The following TENM2 variants were observed in gnomAD, a reference collection of about 807,000 sequenced individuals.
The protein encoded by TENM2 is teneurin-2.
TENM2 carries 52 observed loss-of-function variants against 245.2 expected under a neutral mutation model. The ratio of observed to expected loss-of-function variants is 0.21; its 90% confidence interval spans 0.17 to 0.27. The LOEUF (loss-of-function observed/expected upper bound fraction) is 0.27. Ranked by LOEUF, TENM2 falls within the 10% of genes least tolerant of loss-of-function variation. The pLI is 1.00. For missense variants in TENM2, 3,046 were observed against 3,666.8 expected (o/e 0.83, Z 4.37); for synonymous variants, 1,363 against 1,438.9 (o/e 0.95, Z 1.19).
chr5:167,781,661 G>A (rs1243200836), intron 2 of TENM2, among the ~76,000 whole-genome samples: 3 of 152,178 alleles, frequency 2.0e-5, no homozygotes, highest in East Asian at 1.9e-4. Flanking sequence ...TATAGGCCTC[G>A]TAGAGTTTAG....
At chr5:167,843,163 C>A (rs1769707264) in intron 2 of TENM2, among the ~76,000 whole-genome samples, 1 of 152,276 alleles carries the variant, frequency 6.6e-6, no homozygotes, top group East Asian at 1.9e-4. Flanking sequence ...AGAGTGACTG[C>A]ATCAGTAGTG....
At chr5:168,093,476 C>T (rs1313988222) in intron 8 of TENM2, among the ~76,000 whole-genome samples, 2 of 152,216 alleles carry the variant, frequency 1.3e-5, no homozygotes. Flanking sequence ...ATCATCAGAA[C>T]ATTCTCCATC....
intron 3 of TENM2, 31 bp downstream of exon 5, chr5:167,876,226 G>A: frequency 1.3e-6 from 2 of 1,499,050 alleles, no homozygotes; most frequent in Non-Finnish European, 1.8e-6. Flanking sequence ...CTGAATGTGT[G>A]GTGTTTCGTG....
chr5:167,856,303 C>A (rs1265018819), intron 2 of TENM2, among the ~76,000 whole-genome samples: 1 of 152,060 alleles, frequency 6.6e-6, no homozygotes, highest in African/African-American at 2.4e-5. Context: ...ACATTAATTA[C>A]TGTTTGCACC....
the TENM2 span, among the ~76,000 whole-genome samples, chr5:167,181,171 C>T: frequency 4.6e-5 from 7 of 151,834 alleles, no homozygotes; most frequent in African/African-American, 1.7e-4. Flanking sequence ...TAGAAAATTT[C>T]GGCACAGCAG....
At chr5:167,127,475 A>C in the TENM2 span, among the ~76,000 whole-genome samples, 2 of 152,152 alleles carry the variant, frequency 1.3e-5, no homozygotes, top group Admixed American at 1.3e-4. Context: ...TGATGCATTC[A>C]TTTTACTACA....
At chr5:167,839,627 C>A (rs901404707) in intron 2 of TENM2, among the ~76,000 whole-genome samples, 4 of 151,934 alleles carry the variant, frequency 2.6e-5, no homozygotes, top group Non-Finnish European at 5.9e-5. Context: ...GAATGTAATG[C>A]CCTGTCTTCC....
intron 13 of TENM2, among the ~76,000 whole-genome samples, chr5:168,175,051 G>A (rs1168457870): frequency 6.6e-6 from 1 of 152,140 alleles, no homozygotes; most frequent in Non-Finnish European, 1.5e-5. Flanking sequence ...GAATCAGACG[G>A]ACCTAGCTGT....
chr5:167,808,157 G>A (rs893536949), intron 2 of TENM2, among the ~76,000 whole-genome samples: 6 of 152,256 alleles, frequency 3.9e-5, no homozygotes, highest in Admixed American at 1.3e-4. Flanking sequence ...TTACACTTAC[G>A]TTACTAGTTG....
At chr5:167,742,974 TAAAAAC>T (rs1416462176) in intron 2 of TENM2, among the ~76,000 whole-genome samples, 4 of 86,140 alleles carry the variant, frequency 4.6e-5, no homozygotes, top group South Asian at 9.5e-4. Flanking sequence ...GACCTTGTCT[TAAAAAC>T]AACAACAACA....
chr5:167,534,967 G>A (rs1259723835), intron 2 of TENM2, among the ~76,000 whole-genome samples: 1 of 152,132 alleles, frequency 6.6e-6, no homozygotes, highest in Non-Finnish European at 1.5e-5. Flanking sequence ...TTGGCAGCAT[G>A]TTGTTAACAC....
intron 27 of TENM2, among the ~76,000 whole-genome samples, chr5:168,249,123 CA>C (rs566693885): frequency 0.43 from 50,195 of 116,436 alleles, 9,490 homozygotes; most frequent in South Asian, 0.55. Context: ...GACCCTGTCT[CA>C]AAAAAAAAAA....
At chr5:167,110,280 T>A in the TENM2 span, among the ~76,000 whole-genome samples, 1 of 152,230 alleles carries the variant, frequency 6.6e-6, no homozygotes, top group South Asian at 2.1e-4. Flanking sequence ...TTTTCATCCC[T>A]AGTCTTGTGT....
At chr5:167,734,907 A>G (rs1013085967) in intron 2 of TENM2, among the ~76,000 whole-genome samples, 6 of 152,122 alleles carry the variant, frequency 3.9e-5, no homozygotes, top group African/African-American at 1.4e-4. Context: ...TTTAACCTCC[A>G]AAACTGGTGA....
intron 2 of TENM2, among the ~76,000 whole-genome samples, chr5:167,790,313 G>C (rs1368412021): frequency 6.6e-6 from 1 of 152,132 alleles, no homozygotes; most frequent in Non-Finnish European, 1.5e-5. Context: ...GCTGGTGAAA[G>C]AAGCTGTTAA....
intron 2 of TENM2, among the ~76,000 whole-genome samples, chr5:167,658,645 G>A (rs1451542085): frequency 2.0e-5 from 3 of 152,138 alleles, no homozygotes; most frequent in African/African-American, 4.8e-5. Context: ...TGAGAAAGTT[G>A]AGAACCACTG....
At chr5:167,586,868 GA>G (rs5873046) in intron 2 of TENM2, among the ~76,000 whole-genome samples, 97,988 of 151,966 alleles carry the variant, frequency 0.64, 32,012 homozygotes, top group Middle Eastern at 0.73. Context: ...CTAAGTTGTT[GA>G]AAAAATAGAC....
At chr5:167,525,624 G>A (rs1771060011) in intron 2 of TENM2, among the ~76,000 whole-genome samples, 1 of 152,100 alleles carries the variant, frequency 6.6e-6, no homozygotes, top group Admixed American at 6.6e-5. Context: ...TATTGACCTG[G>A]GACCTATAGG....
chr5:167,388,625 T>A (rs2127356124), intron 2 of TENM2, among the ~76,000 whole-genome samples: 1 of 152,292 alleles, frequency 6.6e-6, no homozygotes, highest in Admixed American at 6.5e-5. Flanking sequence ...TCACACTTTT[T>A]GATGTAGGCA....
Sources: allele counts gnomAD v4.1 joint callset (sites outside exome capture counted in the v4.1 genomes callset), GRCh38; gene constraint gnomAD v4.1.1; transcripts MANE v1.5; gene names NCBI Gene and HGNC (gene_info 2026-07-23, HGNC 2026-07-21).